The following ENTPD1 variants were observed in gnomAD, a reference collection of about 807,000 sequenced individuals.
ENTPD1 encodes the protein ATP diphosphohydrolase.
In ENTPD1, 33 loss-of-function variants were observed where a neutral mutation model predicts 57.0. The ratio of observed to expected loss-of-function variants is 0.58; its 90% CI spans 0.44 to 0.77. The LOEUF (loss-of-function observed/expected upper bound fraction) is 0.77. Ranked by LOEUF, ENTPD1 falls within the 30% of genes least tolerant of loss-of-function variation. ENTPD1 has a pLI of 0.00. For missense variants in ENTPD1, 501 were observed against 603.4 expected (o/e 0.83, Z 1.78); for synonymous variants, 202 against 218.8 (o/e 0.92, Z 0.68).
At chr10:95,708,155 T>C (rs1450363910), upstream of ENTPD1, among the ~76,000 whole-genome samples, 1 of 152,278 alleles carries the variant, frequency 6.6e-6, no homozygotes, top group East Asian at 1.9e-4. Flanking sequence ...AGTTTTTATA[T>C]GCATATGCCC....
chr10:95,820,020 G>T (rs946785452), intron 1 of ENTPD1, among the ~76,000 whole-genome samples: 12 of 152,144 alleles, frequency 7.9e-5, no homozygotes, highest in African/African-American at 2.4e-4. Flanking sequence ...AGCACTCTGG[G>T]GGTCTAAGAA....
upstream of ENTPD1, among the ~76,000 whole-genome samples, chr10:95,707,313 T>C (rs568670348): frequency 6.6e-6 from 1 of 152,220 alleles, no homozygotes; most frequent in South Asian, 2.1e-4. Context: ...ACCTGCTCCA[T>C]AGAGCATGAG....
In ENTPD1 at chr10:95,864,825, A is replaced by G. The variant is rs766913724; in HGVS notation, c.1290A>G (p.Thr430=). 6 of 1,613,556 alleles carry G rather than the reference A, an allele frequency of 3.7e-6. No homozygotes were observed. Among genetic ancestry groups the G allele is most frequent in the Non-Finnish European group, 5.1e-6 (6 of 1,179,968 alleles). Residue 430 remains threonine (T), a synonymous_variant, in exon 9 of 10, where the codon ACA becomes ACG. Transcript: ENST00000371205. ...LSLLLQGYHF[T]ADSWEHIHFI... is the part of the protein sequence containing the mutation. ...TCCTTCTGCAAGGCTATCATTTCAC[A>G]GCTGATTCCTGGGAGCACATCCATT... is the stretch of plus-strand genomic sequence containing the variant.
chr10:95,876,929 TTA>T lies in ENTPD1; in HGVS notation c.*10548_*10549del, dbSNP rs1407205373. Among the ~76,000 whole-genome samples, 1 of 152,212 alleles carries T rather than the reference TTA, an allele frequency of 6.6e-6. No homozygotes were observed. On this transcript the variant is annotated 3_prime_UTR_variant, in exon 10 of 10. Transcript: ENST00000371205. The stretch of plus-strand genomic sequence containing the variant: ...CAAATGGTGAAGGTGGGCAGAATCA[TTA>T]TGTGATGCAACATGGCAAAAGTATA...
chr10:95,866,832 AGCCATATGAT>A lies in ENTPD1; in HGVS notation c.*453_*462del. 8 of 1,054,160 alleles carry A rather than the reference AGCCATATGAT, an allele frequency of 7.6e-6. No homozygotes were observed. The highest frequency in any genetic ancestry group is 9.2e-6 in the Non-Finnish European group (8 of 871,164). 65.3% of individuals were successfully genotyped at this position (1,054,160 alleles called of 1,614,324 possible). On this transcript the variant is annotated 3_prime_UTR_variant, in exon 10 of 10. Coordinates refer to ENST00000371205, the MANE Select transcript of ENTPD1 (RefSeq NM_001776.6). ...TCTCCTGTTTGCCATCCATTAAGAAAGCCATATGATGCCTTTGGAGAAGGCAGACACACAT... is the reference window on the plus strand; with the variant it reads ...TCTCCTGTTTGCCATCCATTAAGAAAGCCTTTGGAGAAGGCAGACACACAT...
intron 1 of ENTPD1, among the ~76,000 whole-genome samples, chr10:95,812,846 T>C (rs752351597): frequency 2.0e-5 from 3 of 152,218 alleles, no homozygotes; most frequent in Non-Finnish European, 1.5e-5. Flanking sequence ...ATTCTGAAAA[T>C]TATTTTTTTC....
At chr10:95,730,972 C>T (rs1446075304) in intron 1 of ENTPD1, among the ~76,000 whole-genome samples, 1 of 152,198 alleles carries the variant, frequency 6.6e-6, no homozygotes, top group Non-Finnish European at 1.5e-5. Context: ...CCTAAAGTAG[C>T]GTCATTAATA....
rs935445247 is a variant in ENTPD1, at chr10:95,876,993, G to A, written c.*10610G>A. Among the ~76,000 whole-genome samples, 5 of 152,214 alleles carry A rather than the reference G, an allele frequency of 3.3e-5. No individual in the cohort carries two copies. Among genetic ancestry groups the A allele is most frequent in the African/African-American group, 1.2e-4 (5 of 41,456 alleles). On this transcript the variant is annotated 3_prime_UTR_variant, in exon 10 of 10. Transcript: ENST00000371205. ...TCCAGAGGAAGGCACCTTGCTGAAT[G>A]ACTAGAATGGAAGTAGGAGACATTT...
At chr10:95,769,537 C>G (rs1255483454) in intron 1 of ENTPD1, among the ~76,000 whole-genome samples, 3 of 152,208 alleles carry the variant, frequency 2.0e-5, no homozygotes, top group Admixed American at 2.0e-4. Context: ...ATCCTGCAGG[C>G]CACTGTATAG....
intron 1 of ENTPD1, among the ~76,000 whole-genome samples, chr10:95,776,237 C>T (rs1014023145): frequency 2.0e-5 from 3 of 152,162 alleles, no homozygotes; most frequent in Admixed American, 6.6e-5. Context: ...CTAGCATCGA[C>T]AGTCTTTACG....
intron 1 of ENTPD1, among the ~76,000 whole-genome samples, chr10:95,802,227 G>A (rs987272510): frequency 6.6e-6 from 1 of 152,180 alleles, no homozygotes; most frequent in East Asian, 1.9e-4. Context: ...AATGTTTTCT[G>A]TTTGACAATT....
In ENTPD1 at chr10:95,872,134, G is replaced by A. The variant is rs564734723; in HGVS notation, c.*5751G>A. ...ACTGTTATTGCTCCAGTAAAGAGCTGTAATATATTTTACCTGGACTGATAC... is the reference window on the plus strand; with the variant it reads ...ACTGTTATTGCTCCAGTAAAGAGCTATAATATATTTTACCTGGACTGATAC... On this transcript the variant is annotated 3_prime_UTR_variant, in exon 10 of 10. Coordinates refer to ENST00000371205, the MANE Select transcript of ENTPD1 (RefSeq NM_001776.6). 9.1e-6 allele frequency: 9 copies of A among 985,416 alleles called. No homozygotes were observed. Among genetic ancestry groups the A allele is most frequent in the Admixed American group, 6.1e-5 (1 of 16,278 alleles). 61.0% of individuals were successfully genotyped at this position (985,416 alleles called of 1,614,324 possible).
At position 95,875,993 on chromosome 10, in the gene ENTPD1, T is replaced by A; in HGVS notation, c.*9610T>A. Reference sequence around the variant, plus strand: ...TGATTTTGTACTTTAACCAGCTGAATGGAAGTACAATCTCTTGCTATATGA... The same window carrying A: ...TGATTTTGTACTTTAACCAGCTGAAAGGAAGTACAATCTCTTGCTATATGA... On this transcript the variant is annotated 3_prime_UTR_variant, in exon 10 of 10. Transcript: ENST00000371205. The A allele has an allele frequency of 1.0e-6, 1 of 985,416 alleles. No homozygotes were observed. The highest frequency in any genetic ancestry group is 4.7e-5 in the South Asian group (1 of 21,284). The allele number at this position is 985,416 out of a possible 1,614,324, so 61.0% of individuals were successfully genotyped here. A position where few individuals can be genotyped will look rare whatever the true frequency, so the allele number is the denominator to read the frequency against.
chr10:95,844,501 A>G lies in ENTPD1; in HGVS notation c.439A>G (p.Arg147Gly). 1.2e-6 allele frequency: 2 copies of G among 1,614,180 alleles called. No individual in the cohort carries two copies. The highest frequency in any genetic ancestry group is 1.7e-6 in the Non-Finnish European group (2 of 1,180,018). Residue 147 changes from arginine (R) to glycine (G), a missense_variant, in exon 5 of 10, where the codon AGG becomes GGG. Physicochemically the swap from Arg to Gly is moderately radical, Grantham distance 125. Transcript: ENST00000371205. The part of the protein sequence containing the change: ...LRMESEELAD[R>G]VLDVVERSLS... ...GATGGAAAGTGAAGAGTTGGCAGAC[A>G]GGGTTCTGGATGTGGTGGAGAGGAG...
At chr10:95,845,826 A>T (rs1424431246) in intron 6 of ENTPD1, 6 of 601,880 alleles carry the variant, frequency 1.0e-5, no homozygotes, top group African/African-American at 1.9e-5. Flanking sequence ...CACAACTGAG[A>T]TCTTCTCTCA....
chr10:95,813,422 A>C (rs1326726285), intron 1 of ENTPD1, among the ~76,000 whole-genome samples: 3 of 152,188 alleles, frequency 2.0e-5, no homozygotes. Context: ...GGATGTGAAA[A>C]CACTAGCTGC....
At chr10:95,714,963 A>G (rs2097969839) in intron 1 of ENTPD1, among the ~76,000 whole-genome samples, 1 of 152,232 alleles carries the variant, frequency 6.6e-6, no homozygotes, top group Admixed American at 6.5e-5. Flanking sequence ...TTGCAAAAGG[A>G]CAACGGGAAT....
rs79802183 is a variant in ENTPD1 at position 95,850,523 on chromosome 10, T to C, written c.1074+2817T>C. Among the ~76,000 whole-genome samples, 1,092 of 152,252 alleles carry C rather than the reference T, an allele frequency of 7.2e-3. 14 individuals carry two copies. The highest frequency in any genetic ancestry group is 0.025 in the African/African-American group (1,032 of 41,572). Reference sequence around the variant, plus strand: ...AACCAACTCTCGGGGAATGGGGAGCTGATTTGTAGCACTTACCAGTTTCCA... The same window carrying C: ...AACCAACTCTCGGGGAATGGGGAGCCGATTTGTAGCACTTACCAGTTTCCA... On this transcript the variant is annotated intron_variant, in intron 7 of 9. Coordinates refer to ENST00000371205, the MANE Select transcript of ENTPD1 (RefSeq NM_001776.6).
chr10:95,820,250 C>T (rs2098344553), intron 1 of ENTPD1, among the ~76,000 whole-genome samples: 1 of 152,176 alleles, frequency 6.6e-6, no homozygotes, highest in South Asian at 2.1e-4. Context: ...ACATGAAAAA[C>T]AAACTTAACC....
Sources: gnomAD v4.1 joint callset for allele counts (sites outside exome capture counted in the v4.1 genomes callset) on GRCh38, gnomAD v4.1.1 for gene constraint, MANE v1.5 for transcripts, NCBI Gene and HGNC (gene_info 2026-07-23, HGNC 2026-07-21) for gene names.